The following CTNND2 variants were observed in gnomAD, a reference collection of about 807,000 sequenced individuals.
CTNND2 encodes the protein catenin delta-2.
Under a neutral mutation model 144.4 loss-of-function variants are expected in CTNND2, and 22 were observed. That is an observed-to-expected ratio of 0.15 (90% confidence interval 0.11 to 0.22). CTNND2 has a LOEUF of 0.22. Ranked by LOEUF, CTNND2 falls within the 10% of genes least tolerant of loss-of-function variation. The pLI is 1.00. For missense variants in CTNND2, 1,353 were observed against 1,618.8 expected (o/e 0.84, Z 2.82); for synonymous variants, 751 against 695.6 (o/e 1.08, Z -1.25).
At chr5:11,080,458 A>G (rs1749430472) in intron 16 of CTNND2, among the ~76,000 whole-genome samples, 1 of 152,254 alleles carries the variant, frequency 6.6e-6, no homozygotes, top group African/African-American at 2.4e-5. Flanking sequence ...ATGATCCAGT[A>G]ATCCCACTTC....
chr5:11,839,042 A>G (rs896651005), intron 1 of CTNND2, among the ~76,000 whole-genome samples: 2 of 152,178 alleles, frequency 1.3e-5, no homozygotes, highest in Admixed American at 6.5e-5. Flanking sequence ...TTAAATATGA[A>G]AATTTTGAGG....
At chr5:11,661,077 A>G (rs548410461) in intron 2 of CTNND2, among the ~76,000 whole-genome samples, 6 of 152,256 alleles carry the variant, frequency 3.9e-5, no homozygotes, top group African/African-American at 1.2e-4. Context: ...CATTTTTGGT[A>G]GCCACAGTGA....
intron 1 of CTNND2, among the ~76,000 whole-genome samples, chr5:11,828,675 T>C (rs1793730623): frequency 6.6e-6 from 1 of 152,216 alleles, no homozygotes; most frequent in Admixed American, 6.5e-5. Flanking sequence ...GTAATTCCAT[T>C]AAACCTTTTT....
At chr5:11,303,088 C>T (rs1296718831) in intron 9 of CTNND2, among the ~76,000 whole-genome samples, 1 of 152,196 alleles carries the variant, frequency 6.6e-6, no homozygotes, top group Non-Finnish European at 1.5e-5. Flanking sequence ...CTCCTTAAGA[C>T]TGTGAACATA....
At position 11,238,843 on chromosome 5, in the gene CTNND2, A is replaced by G. The variant is rs571946059; in HGVS notation, c.1629-2020T>C. On this transcript the variant is annotated intron_variant, in intron 9 of 21. Coordinates refer to ENST00000304623, the MANE Select transcript of CTNND2 (RefSeq NM_001332.4). ...AGTGATTGCTGATAATGAACAAACT[A>G]TTGAATCCTTCTTGGCTATGTGATC... 3.3e-5 allele frequency among the ~76,000 whole-genome samples: 5 copies of G among 152,316 alleles called. No individual in the cohort carries two copies. The South Asian group carries it at 8.3e-4, about 25-fold the overall frequency.
chr5:11,240,549 A>AACACACACACCCAAC (rs141274112), intron 9 of CTNND2, among the ~76,000 whole-genome samples: 3 of 104,820 alleles, frequency 2.9e-5, no homozygotes, highest in South Asian at 3.7e-4. Context: ...ACACACACCC[A>AACACACACACCCAAC]ACACACACAC....
chr5:11,339,694 C>A (rs1754053862), intron 9 of CTNND2, among the ~76,000 whole-genome samples: 1 of 152,026 alleles, frequency 6.6e-6, no homozygotes, highest in Non-Finnish European at 1.5e-5. Context: ...GGGTATAGCT[C>A]TCATTGATGG....
chr5:11,641,275 G>T (rs1475296656), intron 2 of CTNND2, among the ~76,000 whole-genome samples: 1 of 152,064 alleles, frequency 6.6e-6, no homozygotes, highest in Non-Finnish European at 1.5e-5. Context: ...CAGACATTCT[G>T]CTTTAAAGTG....
At chr5:11,142,654 C>T (rs1756853603) in intron 12 of CTNND2, among the ~76,000 whole-genome samples, 1 of 149,198 alleles carries the variant, frequency 6.7e-6, no homozygotes. Flanking sequence ...CGCTCTGTCA[C>T]CCAGGCTGGA....
At chr5:11,890,823 G>C (rs1320417423) in intron 1 of CTNND2, among the ~76,000 whole-genome samples, 4 of 152,228 alleles carry the variant, frequency 2.6e-5, no homozygotes, top group African/African-American at 9.6e-5. Flanking sequence ...ATGATCAGCA[G>C]AGACAGGCGG....
rs199850490 is a variant in CTNND2 at position 11,424,301 on chromosome 5, AT to A, written c.288-12233del. 8.4e-3 allele frequency among the ~76,000 whole-genome samples: 1,283 copies of A among 152,296 alleles called. 14 individuals are homozygous for A. The highest frequency in any genetic ancestry group is 0.029 in the African/African-American group (1,213 of 41,558). ...ACAAAATTGTAGAACTGGAAAACAGATCAGTAGTTGTCAGGATTTAGGGATG... is the reference window on the plus strand; with the variant it reads ...ACAAAATTGTAGAACTGGAAAACAGACAGTAGTTGTCAGGATTTAGGGATG... On this transcript the variant is annotated intron_variant, in intron 3 of 21. Transcript: ENST00000304623.
At chr5:11,503,570 C>A (rs1770734331) in intron 3 of CTNND2, among the ~76,000 whole-genome samples, 1 of 152,172 alleles carries the variant, frequency 6.6e-6, no homozygotes, top group Non-Finnish European at 1.5e-5. Flanking sequence ...AAGGAGGTAT[C>A]TTATGATATT....
intron 1 of CTNND2, among the ~76,000 whole-genome samples, chr5:11,832,033 C>T (rs1793931182): frequency 6.6e-6 from 1 of 152,114 alleles, no homozygotes; most frequent in South Asian, 2.1e-4. Flanking sequence ...CCTGTAATCC[C>T]AGCACTTTGG....
At position 11,396,111 on chromosome 5, in the gene CTNND2, A is replaced by G. The variant is rs113537411; in HGVS notation, c.612+920T>C. ...AGGGTTCCTGGAAGAGATAGTGCCCAATAAATGCAAAAGGGCTGAAACTAA... is the reference window on the plus strand; with the variant it reads ...AGGGTTCCTGGAAGAGATAGTGCCCGATAAATGCAAAAGGGCTGAAACTAA... On this transcript the variant is annotated intron_variant, in intron 6 of 21. Coordinates refer to ENST00000304623, the MANE Select transcript of CTNND2 (RefSeq NM_001332.4). 4.6e-3 allele frequency among the ~76,000 whole-genome samples: 707 copies of G among 152,308 alleles called. 5 individuals are homozygous for G. Among genetic ancestry groups the G allele is most frequent in the African/African-American group, 0.016 (660 of 41,580 alleles).
chr5:11,710,804 G>A (rs192332759), intron 2 of CTNND2, among the ~76,000 whole-genome samples: 1 of 152,308 alleles, frequency 6.6e-6, no homozygotes, highest in Admixed American at 6.5e-5. Context: ...ATGGAAGGGA[G>A]GTTAGGGTTG....
chr5:11,721,091 A>G (rs937545149), intron 2 of CTNND2, among the ~76,000 whole-genome samples: 1 of 152,224 alleles, frequency 6.6e-6, no homozygotes, highest in African/African-American at 2.4e-5. Flanking sequence ...TGACTGCATA[A>G]ATGAAATGAG....
intron 18 of CTNND2, among the ~76,000 whole-genome samples, chr5:11,004,748 A>T (rs925009989): frequency 6.6e-6 from 1 of 150,822 alleles, no homozygotes; most frequent in Non-Finnish European, 1.5e-5. Context: ...AGCCTGGGCA[A>T]CAAGAGTGAA....
At chr5:11,634,420 G>C (rs1245679815) in intron 2 of CTNND2, among the ~76,000 whole-genome samples, 1 of 152,130 alleles carries the variant, frequency 6.6e-6, no homozygotes, top group African/African-American at 2.4e-5. Context: ...GGGATATGAA[G>C]GGCATGGATG....
intron 10 of CTNND2, among the ~76,000 whole-genome samples, chr5:11,203,921 T>A (rs75163244): frequency 1.6e-3 from 242 of 152,298 alleles, no homozygotes; most frequent in African/African-American, 5.1e-3. Context: ...CCTAATAGAA[T>A]TGGACAGTGA....
Sources: allele counts gnomAD v4.1 joint callset (sites outside exome capture counted in the v4.1 genomes callset), GRCh38; gene constraint gnomAD v4.1.1; transcripts MANE v1.5; gene names NCBI Gene and HGNC (gene_info 2026-07-23, HGNC 2026-07-21).